CHST11: variants seen among roughly 807,000 people sequenced by gnomAD.
The protein encoded by CHST11 is C4S-1.
In CHST11, 9 loss-of-function variants were observed where a neutral mutation model predicts 30.4. The ratio of observed to expected loss-of-function variants is 0.30; its 90% CI spans 0.18 to 0.52. CHST11 has a LOEUF of 0.52. Ranked by LOEUF, CHST11 falls within the 20% of genes least tolerant of loss-of-function variation. The probability of loss-of-function intolerance (pLI) is 0.97; values close to 1 mark genes in which losing one functional copy is unlikely to be tolerated. For missense variants in CHST11, 348 were observed against 460.6 expected, an observed-to-expected ratio of 0.76 and a Z score of 2.24; for synonymous variants, 152 against 187.8, an observed-to-expected ratio of 0.81 and a Z score of 1.56.
At chr12:104,488,683 G>A (rs2037713594) in intron 1 of CHST11, among the ~76,000 whole-genome samples, 2 of 150,860 alleles carry the variant, frequency 1.3e-5, no homozygotes, top group Admixed American at 6.6e-5. Flanking sequence ...GTATGCGTCT[G>A]TGTATGCGTA....
intron 1 of CHST11, among the ~76,000 whole-genome samples, chr12:104,487,030 G>A (rs948357658): frequency 6.6e-6 from 1 of 152,124 alleles, no homozygotes; most frequent in Non-Finnish European, 1.5e-5. Context: ...CTTGGTTTTC[G>A]GTGAATCCTT....
At chr12:104,723,876 C>T (rs1389219486) in intron 2 of CHST11, among the ~76,000 whole-genome samples, 1 of 152,196 alleles carries the variant, frequency 6.6e-6, no homozygotes, top group Admixed American at 6.5e-5. Context: ...AATTTTGACA[C>T]AAGCTATGTG....
chr12:104,481,909 C>T (rs1274690820), intron 1 of CHST11, among the ~76,000 whole-genome samples: 1 of 146,828 alleles, frequency 6.8e-6, no homozygotes, highest in African/African-American at 2.5e-5. Flanking sequence ...ATGATCTTGG[C>T]TCACTGCAGC....
Position 104,668,715 on chromosome 12 carries a change from A to G in CHST11, c.204+66724A>G, listed in dbSNP as rs117204454. Among the ~76,000 whole-genome samples, 939 of 152,228 alleles carry G rather than the reference A, an allele frequency of 6.2e-3. 40 individuals are homozygous for G. In the East Asian group the frequency reaches 0.12, roughly 19 times the overall value. On this transcript the variant is annotated intron_variant, in intron 2 of 2. Transcript: ENST00000303694. ...AGTCTGTCCGATGGCAGCAACCCCC[A>G]TAGATGTATGGGTCATGGCGGAAGA...
intron 2 of CHST11, among the ~76,000 whole-genome samples, chr12:104,642,321 G>A (rs1206344717): frequency 6.6e-6 from 1 of 152,110 alleles, no homozygotes; most frequent in Non-Finnish European, 1.5e-5. Context: ...AAATTACAAA[G>A]CGACATGCAT....
intron 2 of CHST11, among the ~76,000 whole-genome samples, chr12:104,672,509 C>G (rs779832070): frequency 2.3e-4 from 35 of 152,340 alleles, no homozygotes; most frequent in Non-Finnish European, 3.1e-4. Context: ...TGCCTTGTGG[C>G]CATTGATTCC....
At chr12:104,703,746 C>A (rs574724960) in intron 2 of CHST11, among the ~76,000 whole-genome samples, 2 of 152,362 alleles carry the variant, frequency 1.3e-5, no homozygotes, top group East Asian at 3.9e-4. Context: ...CTCGCATGTA[C>A]CAGGCACATG....
At chr12:104,696,859 T>G (rs945914153) in intron 2 of CHST11, among the ~76,000 whole-genome samples, 1 of 152,218 alleles carries the variant, frequency 6.6e-6, no homozygotes, top group African/African-American at 2.4e-5. Flanking sequence ...TTTTCATAAT[T>G]TATGTAGGTG....
At chr12:104,514,346 G>T in intron 1 of CHST11, 1 of 957,980 alleles carries the variant, frequency 1.0e-6, no homozygotes. Context: ...TCAAGCAGCA[G>T]CTCTTCTTCT....
At chr12:104,709,337 T>C (rs1235457643) in intron 2 of CHST11, among the ~76,000 whole-genome samples, 2 of 152,174 alleles carry the variant, frequency 1.3e-5, no homozygotes, top group Non-Finnish European at 2.9e-5. Context: ...GAGGCTCTGA[T>C]AGGAGCCAGG....
At chr12:104,616,742 G>A (rs1440166766) in intron 2 of CHST11, among the ~76,000 whole-genome samples, 3 of 152,314 alleles carry the variant, frequency 2.0e-5, no homozygotes, top group Admixed American at 1.3e-4. Context: ...GGGATTACAG[G>A]CATGAGCCAC....
intron 2 of CHST11, among the ~76,000 whole-genome samples, chr12:104,725,630 A>C (rs2040211461): frequency 6.6e-6 from 1 of 151,918 alleles, no homozygotes; most frequent in Non-Finnish European, 1.5e-5. Flanking sequence ...TCTCCACTTA[A>C]ATAAGTCTCA....
intron 2 of CHST11, among the ~76,000 whole-genome samples, chr12:104,667,785 T>G (rs2039654923): frequency 6.6e-6 from 1 of 152,210 alleles, no homozygotes; most frequent in African/African-American, 2.4e-5. Context: ...TAGCACCACC[T>G]AAGGTCTCTG....
At chr12:104,752,142 C>G (rs1213675309) in intron 2 of CHST11, among the ~76,000 whole-genome samples, 3 of 152,188 alleles carry the variant, frequency 2.0e-5, no homozygotes, top group South Asian at 4.1e-4. Context: ...TCTGAAGGCT[C>G]CAGAGGAATG....
intron 2 of CHST11, among the ~76,000 whole-genome samples, chr12:104,662,209 A>C (rs996613306): frequency 2.6e-5 from 4 of 152,202 alleles, no homozygotes; most frequent in African/African-American, 9.7e-5. Context: ...ACGGGCTGGG[A>C]GTCCAAGATC....
intron 1 of CHST11, among the ~76,000 whole-genome samples, chr12:104,560,376 A>T (rs562150808): frequency 6.6e-6 from 1 of 152,260 alleles, no homozygotes; most frequent in Admixed American, 6.5e-5. Context: ...TAAGAATTCA[A>T]CATGGCAGAG....
chr12:104,529,749 C>G (rs76430142), intron 1 of CHST11, among the ~76,000 whole-genome samples: 2,486 of 152,228 alleles, frequency 0.016, 120 homozygotes, highest in East Asian at 0.15. Flanking sequence ...ACAACATGAC[C>G]GAAAAGTTAC....
intron 2 of CHST11, among the ~76,000 whole-genome samples, chr12:104,613,500 T>TC (rs2039080007): frequency 6.6e-6 from 1 of 152,052 alleles, no homozygotes; most frequent in South Asian, 2.1e-4. Flanking sequence ...GGGGTGGATT[T>TC]CCCCCTTGCT....
intron 2 of CHST11, among the ~76,000 whole-genome samples, chr12:104,628,112 GTC>G (rs770435141): frequency 1.6e-4 from 25 of 152,188 alleles, no homozygotes; most frequent in Non-Finnish European, 2.4e-4. Context: ...AGTGCTCTAA[GTC>G]TCTATCTGCC....
Sources: allele counts gnomAD v4.1 joint callset (sites outside exome capture counted in the v4.1 genomes callset), GRCh38; gene constraint gnomAD v4.1.1; transcripts MANE v1.5; gene names NCBI Gene and HGNC (gene_info 2026-07-23, HGNC 2026-07-21).